Variants in LINGO2 observed in about 807,000 individuals in gnomAD.
The protein encoded by LINGO2 is leucine-rich repeat and immunoglobulin-like domain-containing nogo receptor-interacting protein 2.
A neutral mutation model predicts 30.6 loss-of-function variants in LINGO2; 14 were observed. That is an observed-to-expected ratio of 0.46 (90% CI 0.30 to 0.72). The LOEUF is 0.72. Ranked by LOEUF, LINGO2 falls within the 30% of genes least tolerant of loss-of-function variation. The pLI is 0.07. For synonymous variants in LINGO2, 317 were observed against 288.5 expected, an observed-to-expected ratio of 1.10 and a Z score of -1.00; for missense variants, 729 against 751.7, an observed-to-expected ratio of 0.97 and a Z score of 0.35.
chr9:28,017,415 A>T (rs2119322952), intron 4 of LINGO2, among the ~76,000 whole-genome samples: 1 of 152,316 alleles, frequency 6.6e-6, no homozygotes, highest in Middle Eastern at 3.4e-3. Flanking sequence ...GTTTGCAGAC[A>T]TTATGACCGT....
chr9:28,014,047 T>A (rs1324578006), intron 4 of LINGO2, among the ~76,000 whole-genome samples: 2 of 152,196 alleles, frequency 1.3e-5, no homozygotes. Context: ...AGCCCAGATG[T>A]CAATCATTTC....
intron 1 of LINGO2, among the ~76,000 whole-genome samples, chr9:28,488,161 T>A (rs1046606615): frequency 4.6e-5 from 7 of 152,040 alleles, no homozygotes; most frequent in African/African-American, 1.4e-4. Context: ...GCTACAGGAG[T>A]CATAGGATAA....
the LINGO2 span, among the ~76,000 whole-genome samples, chr9:29,131,485 C>A: frequency 6.6e-6 from 1 of 152,064 alleles, no homozygotes; most frequent in Non-Finnish European, 1.5e-5. Flanking sequence ...CCAATCCCCG[C>A]TCTATTTTGG....
At chr9:29,099,363 A>T in the LINGO2 span, among the ~76,000 whole-genome samples, 3 of 152,288 alleles carry the variant, frequency 2.0e-5, no homozygotes, top group East Asian at 3.9e-4. Context: ...ACAGGCAACT[A>T]AAGCAAATTT....
intron 1 of LINGO2, among the ~76,000 whole-genome samples, chr9:28,644,032 A>G (rs940459369): frequency 8.5e-5 from 13 of 152,076 alleles, no homozygotes; most frequent in Non-Finnish European, 1.8e-4. Context: ...GATAGGCAAT[A>G]ACAAATGCTG....
intron 4 of LINGO2, among the ~76,000 whole-genome samples, chr9:28,069,929 A>G (rs1188941708): frequency 1.3e-5 from 2 of 152,206 alleles, no homozygotes; most frequent in African/African-American, 2.4e-5. Context: ...GAGTGTCGCC[A>G]TTGCACTGCA....
At chr9:28,763,993 A>AAAGT in the LINGO2 span, among the ~76,000 whole-genome samples, 34 of 151,934 alleles carry the variant, frequency 2.2e-4, no homozygotes, top group African/African-American at 8.2e-4. Flanking sequence ...GTCTGAATAG[A>AAAGT]CCAATAACAA....
At chr9:28,095,213 G>A (rs1826209355) in intron 4 of LINGO2, among the ~76,000 whole-genome samples, 1 of 152,034 alleles carries the variant, frequency 6.6e-6, no homozygotes, top group South Asian at 2.1e-4. Flanking sequence ...CTACCCACAG[G>A]AGGGCCTATG....
chr9:29,139,850 G>T, the LINGO2 span, among the ~76,000 whole-genome samples: 3 of 152,028 alleles, frequency 2.0e-5, no homozygotes, highest in Non-Finnish European at 4.4e-5. Context: ...TCTTGCCTGT[G>T]TGAGAAAGCT....
At chr9:29,030,427 T>C in the LINGO2 span, among the ~76,000 whole-genome samples, 1 of 152,298 alleles carries the variant, frequency 6.6e-6, no homozygotes, top group African/African-American at 2.4e-5. Flanking sequence ...ACCTGTTGTC[T>C]AGTAATGTCA....
chr9:28,463,211 T>C (rs1387185899), intron 2 of LINGO2, among the ~76,000 whole-genome samples: 1 of 152,012 alleles, frequency 6.6e-6, no homozygotes, highest in African/African-American at 2.4e-5. Context: ...ATATGTAACA[T>C]CACGTATTAA....
At chr9:28,328,615 G>A (rs986651400) in intron 3 of LINGO2, among the ~76,000 whole-genome samples, 3 of 151,194 alleles carry the variant, frequency 2.0e-5, no homozygotes, top group Non-Finnish European at 4.4e-5. Context: ...TTTAATCTTG[G>A]GAATGGCATA....
At chr9:28,187,116 T>C (rs772150844) in intron 4 of LINGO2, among the ~76,000 whole-genome samples, 1 of 152,120 alleles carries the variant, frequency 6.6e-6, no homozygotes, top group Non-Finnish European at 1.5e-5. Flanking sequence ...GAAATCAGAA[T>C]AGACATACTA....
the LINGO2 span, among the ~76,000 whole-genome samples, chr9:29,120,219 T>G: frequency 6.6e-6 from 1 of 152,110 alleles, no homozygotes; most frequent in Admixed American, 6.5e-5. Flanking sequence ...GCAGTAGGCT[T>G]CAACTCTCAA....
chr9:28,330,237 T>C (rs1456468374), intron 3 of LINGO2, among the ~76,000 whole-genome samples: 4 of 152,188 alleles, frequency 2.6e-5, no homozygotes, highest in Non-Finnish European at 4.4e-5. Flanking sequence ...TTGCTGACAC[T>C]TTAATCTTGA....
chr9:28,968,429 G>C, the LINGO2 span, among the ~76,000 whole-genome samples: 3 of 152,162 alleles, frequency 2.0e-5, no homozygotes, highest in Admixed American at 6.6e-5. Context: ...GGTTTCTTCA[G>C]GTGTTTCTTG....
At chr9:28,032,683 C>T (rs551752121) in intron 4 of LINGO2, among the ~76,000 whole-genome samples, 4 of 152,240 alleles carry the variant, frequency 2.6e-5, no homozygotes, top group African/African-American at 9.6e-5. Context: ...TGGCGACAGA[C>T]CAGGAATCTT....
chr9:28,191,783 AT>A (rs2133777681), intron 4 of LINGO2, among the ~76,000 whole-genome samples: 1 of 152,208 alleles, frequency 6.6e-6, no homozygotes, highest in South Asian at 2.1e-4. Context: ...TTCTTGAAAC[AT>A]TATCTTTTCC....
chr9:28,542,654 T>C (rs752244868), intron 1 of LINGO2, among the ~76,000 whole-genome samples: 1 of 152,060 alleles, frequency 6.6e-6, no homozygotes, highest in Non-Finnish European at 1.5e-5. Context: ...CTTTACCCCA[T>C]CACCACTGAT....
Sources: gnomAD v4.1 joint callset for allele counts (sites outside exome capture counted in the v4.1 genomes callset) on GRCh38, gnomAD v4.1.1 for gene constraint, MANE v1.5 for transcripts, NCBI Gene and HGNC (gene_info 2026-07-23, HGNC 2026-07-21) for gene names.